AGBL4: variants seen among roughly 807,000 people sequenced by gnomAD.
The protein encoded by AGBL4 is AGBL carboxypeptidase 4, also known as cytosolic carboxypeptidase 6.
A neutral mutation model predicts 66.4 loss-of-function variants in AGBL4; 58 were observed. That is an observed-to-expected ratio of 0.87 (90% CI 0.71 to 1.09). The LOEUF is 1.09. AGBL4 is among the 50% of genes least tolerant of loss of function. The pLI is 0.00. For synonymous variants in AGBL4, 234 were observed against 222.9 expected (o/e 1.05, Z -0.44); for missense variants, 579 against 631.0 (o/e 0.92, Z 0.88).
rs575945304 is a variant in AGBL4, at chr1:48,534,907, T to A, written c.1374A>T (p.Glu458Asp). The A allele has an allele frequency of 4.5e-6, 7 of 1,551,350 alleles. No individual in the cohort carries two copies. The highest frequency in any genetic ancestry group is 6.1e-6 in the Non-Finnish European group (7 of 1,146,814). ...AIPMPRLRNK[E>D]IEVQRRKEKS... Reference sequence around the variant, plus strand: ...TTCCTTACCTTCTCTGGACTTCTATTTCTTTATTTCTAAAATAGGAGAAAA... The same window carrying A: ...TTCCTTACCTTCTCTGGACTTCTATATCTTTATTTCTAAAATAGGAGAAAA... The change falls in exon 13 of 14, where the codon GAA (glutamate) becomes GAT (aspartate). Residue 458 changes from glutamate to aspartate, a missense_variant. Coordinates refer to ENST00000371839, the MANE Select transcript of AGBL4 (RefSeq NM_032785.4).
At chr1:49,772,887 A>G (rs944647085) in intron 2 of AGBL4, among the ~76,000 whole-genome samples, 1 of 152,146 alleles carries the variant, frequency 6.6e-6, no homozygotes, top group Non-Finnish European at 1.5e-5. Context: ...ATATCTCTCA[A>G]AAGACATGAG....
chr1:48,885,277 T>G (rs1329022588), intron 5 of AGBL4, among the ~76,000 whole-genome samples: 2 of 152,366 alleles, frequency 1.3e-5, no homozygotes, highest in African/African-American at 4.8e-5. Flanking sequence ...GGAACACAGT[T>G]ACGCTCATTC....
At chr1:49,698,079 C>G (rs1226135957) in intron 2 of AGBL4, among the ~76,000 whole-genome samples, 2 of 152,140 alleles carry the variant, frequency 1.3e-5, no homozygotes, top group Non-Finnish European at 2.9e-5. Context: ...TCTCCATTTT[C>G]CATATTGTCT....
At chr1:49,291,459 G>C (rs984884178) in intron 3 of AGBL4, among the ~76,000 whole-genome samples, 1 of 152,118 alleles carries the variant, frequency 6.6e-6, no homozygotes, top group South Asian at 2.1e-4. Context: ...ATAGACTGTG[G>C]TATAACAATA....
chr1:48,902,359 G>C (rs991668911), intron 5 of AGBL4, among the ~76,000 whole-genome samples: 1 of 152,202 alleles, frequency 6.6e-6, no homozygotes, highest in Non-Finnish European at 1.5e-5. Context: ...GGGAGGGAAG[G>C]CACAAGTGAG....
At chr1:49,785,954 G>C (rs1644444500) in intron 2 of AGBL4, among the ~76,000 whole-genome samples, 1 of 150,134 alleles carries the variant, frequency 6.7e-6, no homozygotes, top group Non-Finnish European at 1.5e-5. Flanking sequence ...ATGGGAAAAG[G>C]TATCAGGAAG....
chr1:49,703,847 A>G (rs1166075043), intron 2 of AGBL4, among the ~76,000 whole-genome samples: 1 of 152,074 alleles, frequency 6.6e-6, no homozygotes, highest in East Asian at 1.9e-4. Flanking sequence ...AATTGACAAC[A>G]TAACTACTTG....
chr1:48,631,257 G>A (rs1360491940), intron 9 of AGBL4, among the ~76,000 whole-genome samples: 1 of 152,226 alleles, frequency 6.6e-6, no homozygotes, highest in East Asian at 1.9e-4. Context: ...TCTTAGGGCA[G>A]ATGCCTCAGG....
chr1:49,236,957 G>C (rs1284638700), intron 4 of AGBL4, among the ~76,000 whole-genome samples: 1 of 151,976 alleles, frequency 6.6e-6, no homozygotes, highest in East Asian at 1.9e-4. Flanking sequence ...GGAATCATGA[G>C]ATCTGATGAT....
chr1:48,841,403 C>A (rs866767205), intron 6 of AGBL4, among the ~76,000 whole-genome samples: 17 of 34,998 alleles, frequency 4.9e-4, no homozygotes, highest in African/African-American at 9.3e-4. Flanking sequence ...CTACAAAACC[C>A]CCCCCCCCCA....
chr1:50,012,977 T>C (rs1661667054), intron 1 of AGBL4, among the ~76,000 whole-genome samples: 1 of 152,192 alleles, frequency 6.6e-6, no homozygotes. Context: ...CATAATTTGT[T>C]TCAGTAGTTA....
At chr1:49,619,040 T>G (rs1439717074) in intron 3 of AGBL4, among the ~76,000 whole-genome samples, 1 of 152,104 alleles carries the variant, frequency 6.6e-6, no homozygotes, top group East Asian at 1.9e-4. Flanking sequence ...CTGGAAGCAT[T>G]CCCTTCGAAA....
rs1030557303 is a variant in AGBL4 at position 49,614,004 on chromosome 1, CTT to C, written c.282+83307_282+83308del. On this transcript the variant is annotated intron_variant, in intron 3 of 13. Transcript: ENST00000371839. ...AATACTTGCTCCCTTTGTTCATGCT[CTT>C]TTTTTCTGTTTAGAACACACTTGTT... 5.3e-5 allele frequency among the ~76,000 whole-genome samples: 8 copies of C among 152,228 alleles called. No homozygotes were observed. In the East Asian group the frequency reaches 1.5e-3, roughly 29 times the overall value.
chr1:49,611,668 C>T (rs975415302), intron 3 of AGBL4, among the ~76,000 whole-genome samples: 4 of 152,126 alleles, frequency 2.6e-5, no homozygotes, highest in Non-Finnish European at 5.9e-5. Flanking sequence ...TGAGCCACCG[C>T]GCCCGGCCAG....
At position 48,867,190 on chromosome 1, in the gene AGBL4, C is replaced by T. The variant is rs1399928534; in HGVS notation, c.634+1G>A. On this transcript the variant is annotated splice_donor_variant, in intron 6 of 13. Coordinates refer to ENST00000371839, the MANE Select transcript of AGBL4 (RefSeq NM_032785.4). LOFTEE classifies it high-confidence loss of function. ...AAGGCAGAAGGGCCACGCCTACTCA[C>T]CAGGGCTGGTTATCGTCAGGAGGTC... 1.2e-6 allele frequency: 2 copies of T among 1,613,538 alleles called. No homozygotes were observed. The highest frequency in any genetic ancestry group is 1.7e-6 in the Non-Finnish European group (2 of 1,179,696).
At chr1:49,101,529 A>G (rs1645201961) in intron 4 of AGBL4, among the ~76,000 whole-genome samples, 1 of 152,198 alleles carries the variant, frequency 6.6e-6, no homozygotes, top group Non-Finnish European at 1.5e-5. Context: ...TGTGAACCTA[A>G]TACATGGTTC....
chr1:48,711,007 C>T (rs1646958994), intron 6 of AGBL4, among the ~76,000 whole-genome samples: 1 of 152,226 alleles, frequency 6.6e-6, no homozygotes, highest in Admixed American at 6.5e-5. Flanking sequence ...TTGGGACACG[C>T]CTCACTCCTG....
At chr1:49,662,476 G>C (rs1378860138) in intron 3 of AGBL4, among the ~76,000 whole-genome samples, 1 of 152,014 alleles carries the variant, frequency 6.6e-6, no homozygotes, top group Non-Finnish European at 1.5e-5. Flanking sequence ...GAATTTAGGA[G>C]AACTTTCCAC....
intron 3 of AGBL4, among the ~76,000 whole-genome samples, chr1:49,458,189 A>G (rs1174444804): frequency 6.6e-6 from 1 of 151,696 alleles, no homozygotes; most frequent in East Asian, 1.9e-4. Context: ...ATTAGCATGG[A>G]ATGTGTTTCC....
Sources: allele counts gnomAD v4.1 joint callset (sites outside exome capture counted in the v4.1 genomes callset), GRCh38; gene constraint gnomAD v4.1.1; transcripts MANE v1.5; gene names NCBI Gene and HGNC (gene_info 2026-07-23, HGNC 2026-07-21).